TRIM37: variants seen among roughly 807,000 people sequenced by gnomAD.
The protein encoded by TRIM37 is tripartite motif containing 37.
A neutral mutation model predicts 129.8 loss-of-function variants in TRIM37; 80 were observed. That is an observed-to-expected ratio of 0.62 (90% CI 0.51 to 0.74). The LOEUF is 0.74. Among genes scored for constraint, TRIM37 ranks in the 30% least tolerant of loss-of-function variants. The pLI is 0.00. For synonymous variants in TRIM37, 389 were observed against 387.1 expected (o/e 1.00, Z -0.06); for missense variants, 1,054 against 1,176.5 (o/e 0.90, Z 1.52).
At chr17:59,020,950 T>C (rs151083295) in intron 19 of TRIM37, among the ~76,000 whole-genome samples, 1,957 of 152,284 alleles carry the variant, frequency 0.013, 71 homozygotes, top group East Asian at 0.079. Flanking sequence ...AGATCTACCA[T>C]ATGATCCAGC....
intron 19 of TRIM37, among the ~76,000 whole-genome samples, chr17:59,024,214 C>CAAAAAAA (rs1237722939): frequency 5.3e-5 from 4 of 74,960 alleles, no homozygotes; most frequent in African/African-American, 5.5e-5. Flanking sequence ...AATTCCGTAT[C>CAAAAAAA]AAAAAAAAAA....
intron 24 of TRIM37, among the ~76,000 whole-genome samples, chr17:58,992,108 A>C (rs1446635595): frequency 6.6e-6 from 1 of 151,828 alleles, no homozygotes; most frequent in Non-Finnish European, 1.5e-5. Context: ...TCAGAAATGC[A>C]CTTATGATCA....
At chr17:59,024,968 T>G (rs567927078) in intron 19 of TRIM37, among the ~76,000 whole-genome samples, 1 of 152,278 alleles carries the variant, frequency 6.6e-6, no homozygotes, top group African/African-American at 2.4e-5. Context: ...ACTATAAAAC[T>G]ACAGTAGTTA....
downstream of TRIM37, among the ~76,000 whole-genome samples, chr17:58,995,890 C>T (rs1259746853): frequency 2.0e-5 from 3 of 151,808 alleles, no homozygotes; most frequent in Non-Finnish European, 4.4e-5. Flanking sequence ...GCCTGTAGTC[C>T]CAGCTACTTA....
intron 19 of TRIM37, among the ~76,000 whole-genome samples, chr17:59,022,420 C>T (rs2036716170): frequency 6.6e-6 from 1 of 152,134 alleles, no homozygotes; most frequent in Non-Finnish European, 1.5e-5. Flanking sequence ...TACACAGCTT[C>T]AGTTTAAAAA....
At chr17:59,018,467 T>C (rs1206299320) in intron 19 of TRIM37, among the ~76,000 whole-genome samples, 1 of 152,186 alleles carries the variant, frequency 6.6e-6, no homozygotes, top group Non-Finnish European at 1.5e-5. Context: ...TAGCAGACAA[T>C]GTGAGAATGA....
At chr17:59,105,992 T>C (rs1025877507) in intron 1 of TRIM37, among the ~76,000 whole-genome samples, 3 of 152,208 alleles carry the variant, frequency 2.0e-5, no homozygotes, top group African/African-American at 2.4e-5. Flanking sequence ...AGATAATATA[T>C]GCTGATTCAA....
At chr17:59,056,854 A>T (rs372489290) in intron 13 of TRIM37, 21 bp downstream of exon 13, 1 of 1,610,068 alleles carries the variant, frequency 6.2e-7, no homozygotes, top group African/African-American at 1.3e-5. Context: ...AAAAACCACA[A>T]CATCAAATTT....
intron 8 of TRIM37, among the ~76,000 whole-genome samples, chr17:59,071,182 T>C (rs2060277755): frequency 6.6e-6 from 1 of 152,142 alleles, no homozygotes; most frequent in Admixed American, 6.5e-5. Flanking sequence ...TCTCCTTACA[T>C]TTTAGGATAA....
At chr17:58,988,676 A>G (rs1428341964) in intron 24 of TRIM37, among the ~76,000 whole-genome samples, 1 of 152,120 alleles carries the variant, frequency 6.6e-6, no homozygotes, top group Non-Finnish European at 1.5e-5. Flanking sequence ...AGGACAGCAG[A>G]GCAACGGAAG....
At chr17:59,064,859 C>T (rs760081967) in intron 9 of TRIM37, among the ~76,000 whole-genome samples, 1 of 151,852 alleles carries the variant, frequency 6.6e-6, no homozygotes, top group Non-Finnish European at 1.5e-5. Context: ...TGCGGTGATT[C>T]GAGATTGCAC....
Position 58,990,801 on chromosome 17 carries a change from AAAAG to A in TRIM37, c.2892-7884_2892-7881del, listed in dbSNP as rs1402020079. On this transcript the variant is annotated intron_variant, in intron 24 of 24. Coordinates refer to the TRIM37 transcript ENST00000393066. ...GTGAAACTCTGTCTCAAAAAAAAAA[AAAAG>A]AAAGAAAGGAAAAAGAAAAAAAAAA... 2.6e-4 allele frequency among the ~76,000 whole-genome samples: 40 copies of A among 151,198 alleles called. No homozygotes were observed. In the East Asian group the frequency reaches 3.1e-3, roughly 12 times the overall value.
At chr17:59,041,236 T>C (rs2039122985) in intron 17 of TRIM37, among the ~76,000 whole-genome samples, 1 of 152,110 alleles carries the variant, frequency 6.6e-6, no homozygotes, top group Admixed American at 6.5e-5. Context: ...GTGTTTTAGT[T>C]TGGGAGAAAA....
intron 24 of TRIM37, among the ~76,000 whole-genome samples, chr17:58,985,964 T>TA (rs1362939171): frequency 6.6e-6 from 1 of 152,164 alleles, no homozygotes; most frequent in Admixed American, 6.5e-5. Flanking sequence ...TAGTAAGTGT[T>TA]ACACTTGAAA....
At chr17:58,973,909 G>A in the TRIM37 span, among the ~76,000 whole-genome samples, 1,522 of 144,310 alleles carry the variant, frequency 0.011, 24 homozygotes, top group African/African-American at 0.036. Flanking sequence ...TCGAGATCGC[G>A]CCACTGCGCT....
At chr17:59,073,046 T>A (rs1001514167) in intron 8 of TRIM37, 11 of 152,206 alleles carry the variant, frequency 7.2e-5, no homozygotes, top group African/African-American at 2.2e-4. Flanking sequence ...TGTACATACA[T>A]ACACACATAA....
chr17:59,083,976 A>C, intron 5 of TRIM37, 26 bp downstream of exon 5: 1 of 1,598,062 alleles, frequency 6.3e-7, no homozygotes, highest in Non-Finnish European at 8.6e-7. Flanking sequence ...CTAACTTAAA[A>C]AAAATACTGA....
At chr17:58,980,030 C>T, downstream of TRIM37, 5 of 1,614,138 alleles carry the variant, frequency 3.1e-6, no homozygotes, top group Non-Finnish European at 4.2e-6. This position sits in a 1 kb window ranked among gnomAD's most constrained non-coding sequence, Gnocchi z 4.7. Flanking sequence ...CTCCACTGTT[C>T]TGGATGGGAC....
chr17:59,106,127 T>G (rs1035729088), intron 1 of TRIM37, among the ~76,000 whole-genome samples: 1 of 152,156 alleles, frequency 6.6e-6, no homozygotes, highest in Non-Finnish European at 1.5e-5. Flanking sequence ...GCAGGGTACA[T>G]CCATCTGATG....
Sources: gnomAD v4.1 joint callset for allele counts (sites outside exome capture counted in the v4.1 genomes callset) on GRCh38, gnomAD v4.1.1 for gene constraint, Gnocchi (gnomAD v3.1) non-coding constraint, MANE v1.5 for transcripts, NCBI Gene and HGNC (gene_info 2026-07-23, HGNC 2026-07-21) for gene names.